Variants in LRRCC1 observed in about 807,000 individuals in gnomAD.
LRRCC1 encodes leucine-rich repeat and coiled-coil domain-containing protein 1.
A neutral mutation model predicts 126.0 loss-of-function variants in LRRCC1; 115 were observed. The ratio of observed to expected loss-of-function variants is 0.91; its 90% confidence interval spans 0.78 to 1.07. LRRCC1 has a LOEUF of 1.07. Ranked by LOEUF, LRRCC1 falls within the 50% of genes least tolerant of loss-of-function variation. The pLI is 0.00. For synonymous variants in LRRCC1, 400 were observed against 393.4 expected (o/e 1.02, Z -0.20); for missense variants, 1,172 against 1,175.7 (o/e 1.00, Z 0.05).
intron 18 of LRRCC1, 37 bp from the exon 19 acceptor site, chr8:85,145,342 ACATTTTCTTT>A: frequency 7.3e-7 from 1 of 1,376,986 alleles, no homozygotes; most frequent in South Asian, 1.5e-5. Context: ...TTTTAAAAAT[ACATTTTCTTT>A]AAGAAATTAA....
At chr8:85,116,511 T>C (rs544531510) in intron 6 of LRRCC1, among the ~76,000 whole-genome samples, 2 of 152,246 alleles carry the variant, frequency 1.3e-5, no homozygotes, top group East Asian at 3.9e-4. Context: ...TAGCTGGGAC[T>C]ACAGGCACAT....
intron 12 of LRRCC1, among the ~76,000 whole-genome samples, chr8:85,134,046 C>G (rs1810682601): frequency 1.3e-5 from 2 of 152,136 alleles, no homozygotes; most frequent in South Asian, 4.1e-4. Flanking sequence ...AGGCACATTC[C>G]TGCCTAGAAC....
intron 1 of LRRCC1, 103 bp downstream of exon 1, chr8:85,107,502 C>A (rs1416879391): frequency 1.4e-5 from 14 of 1,010,004 alleles, no homozygotes; most frequent in Non-Finnish European, 5.8e-6. Context: ...ACTGCTTTAC[C>A]AAGACCATAA....
chr8:85,136,426 C>T (rs1325869890), intron 14 of LRRCC1, among the ~76,000 whole-genome samples: 8 of 151,940 alleles, frequency 5.3e-5, no homozygotes, highest in African/African-American at 1.5e-4. Flanking sequence ...AGCCATGTGC[C>T]GCCACACCTG....
At chr8:85,112,482 A>G (rs1041651261) in intron 3 of LRRCC1, among the ~76,000 whole-genome samples, 8 of 152,188 alleles carry the variant, frequency 5.3e-5, no homozygotes, top group African/African-American at 1.9e-4. Flanking sequence ...GTTCTAGATA[A>G]GCTTGTGCGA....
At chr8:85,142,158 G>T (rs540546810) in intron 18 of LRRCC1, among the ~76,000 whole-genome samples, 3 of 152,204 alleles carry the variant, frequency 2.0e-5, no homozygotes, top group African/African-American at 7.2e-5. Flanking sequence ...GCTGGGCGTG[G>T]TGGTGAGCAC....
intron 1 of LRRCC1, among the ~76,000 whole-genome samples, chr8:85,108,384 A>T (rs1395029789): frequency 3.3e-5 from 5 of 152,146 alleles, no homozygotes; most frequent in Admixed American, 2.0e-4. Flanking sequence ...CAAGGTAGTA[A>T]TTTTTCTCAT....
chr8:85,109,378 T>C, intron 1 of LRRCC1: 1 of 528,406 alleles, frequency 1.9e-6, no homozygotes, highest in South Asian at 2.9e-5. Context: ...TTGCCTGCCT[T>C]GAGCGGTTTC....
chr8:85,135,646 T>C (rs1031743652), intron 13 of LRRCC1, 143 bp from the exon 14 acceptor site: 2 of 477,550 alleles, frequency 4.2e-6, no homozygotes, highest in Non-Finnish European at 6.7e-6. Flanking sequence ...TTGTCTTTAG[T>C]AAAACTAAAA....
At chr8:85,124,509 A>G (rs573202487) in intron 7 of LRRCC1, among the ~76,000 whole-genome samples, 120 of 152,264 alleles carry the variant, frequency 7.9e-4, no homozygotes, top group African/African-American at 2.7e-3. Context: ...TTACCACAGT[A>G]CTTTTTAAAT....
chr8:85,145,117 GTA>G (rs10647086), intron 18 of LRRCC1, among the ~76,000 whole-genome samples: 24 of 143,308 alleles, frequency 1.7e-4, no homozygotes, highest in Non-Finnish European at 2.6e-4. Flanking sequence ...ATATATGTGT[GTA>G]TATATATATA....
At chr8:85,109,890 ACT>A (rs2135911603) in intron 2 of LRRCC1, 90 bp downstream of exon 2, 2 of 700,012 alleles carry the variant, frequency 2.9e-6, no homozygotes, top group African/African-American at 1.8e-5. Flanking sequence ...AATATCAGAA[ACT>A]CTTAAAAATT....
At chr8:85,132,693 G>A (rs181829667) in intron 12 of LRRCC1, among the ~76,000 whole-genome samples, 9 of 151,998 alleles carry the variant, frequency 5.9e-5, no homozygotes, top group African/African-American at 1.9e-4. Flanking sequence ...GTGCCCAGCC[G>A]TAGTTGAGTA....
chr8:85,124,352 A>G (rs1455348158), intron 7 of LRRCC1, among the ~76,000 whole-genome samples: 1 of 152,112 alleles, frequency 6.6e-6, no homozygotes, highest in Admixed American at 6.5e-5. Flanking sequence ...CAAACACTGT[A>G]CTTTTTTCCA....
chr8:85,108,145 C>G (rs764504164), intron 1 of LRRCC1, among the ~76,000 whole-genome samples: 122 of 152,250 alleles, frequency 8.0e-4, no homozygotes, highest in Non-Finnish European at 1.2e-3. Flanking sequence ...GCAGACTTCT[C>G]TGTGCCTTTG....
In LRRCC1 at chr8:85,134,949, G is replaced by C; in HGVS notation, c.2071G>C (p.Asp691His). 6.3e-7 allele frequency: 1 copy of C among 1,594,526 alleles called. No individual in the cohort carries two copies. Among genetic ancestry groups the C allele is most frequent in the Non-Finnish European group, 8.5e-7 (1 of 1,175,908 alleles). Reference sequence around the variant, plus strand: ...AAATGAGTCTTCCTCTTTAATTAAAGATCTGACCTGTATGGTAAAGGAACA... The same window carrying C: ...AAATGAGTCTTCCTCTTTAATTAAACATCTGACCTGTATGGTAAAGGAACA... The part of the protein sequence containing the change: ...KENESSSLIK[D>H]LTCMVKEQKT... Residue 691 changes from aspartate (D) to histidine (H), a missense_variant, in exon 13 of 19, where the codon GAT becomes CAT. By Grantham distance (81) the Asp-to-His change is moderately conservative. Coordinates refer to ENST00000360375, the MANE Select transcript of LRRCC1 (RefSeq NM_033402.5).
chr8:85,122,822 T>A (rs1809673752), intron 6 of LRRCC1, among the ~76,000 whole-genome samples: 1 of 152,216 alleles, frequency 6.6e-6, no homozygotes, highest in Non-Finnish European at 1.5e-5. Flanking sequence ...ATACTCTAGA[T>A]TTGGTTATAG....
chr8:85,112,602 G>A (rs1018051710), intron 3 of LRRCC1, among the ~76,000 whole-genome samples: 2 of 152,246 alleles, frequency 1.3e-5, no homozygotes, highest in African/African-American at 4.8e-5. Flanking sequence ...CAAGACTGAT[G>A]TGTCGAGAGA....
chr8:85,145,200 TG>T (rs1811590358), intron 18 of LRRCC1, among the ~76,000 whole-genome samples, 188 bp from the exon 19 acceptor site: 1 of 151,756 alleles, frequency 6.6e-6, no homozygotes, highest in South Asian at 2.1e-4. Context: ...GAAAGTACTT[TG>T]TATACTGTAT....
Sources: gnomAD v4.1 joint callset for allele counts (sites outside exome capture counted in the v4.1 genomes callset) on GRCh38, gnomAD v4.1.1 for gene constraint, MANE v1.5 for transcripts, NCBI Gene and HGNC (gene_info 2026-07-23, HGNC 2026-07-21) for gene names.